The following PPFIA2 variants were observed in gnomAD, a reference collection of about 807,000 sequenced individuals.
PPFIA2 encodes the protein PPFI scaffold protein A2, also known as liprin-alpha-2.
A neutral mutation model predicts 175.5 loss-of-function variants in PPFIA2; 46 were observed. That is an observed-to-expected ratio of 0.26 (90% confidence interval 0.21 to 0.34). PPFIA2 has a LOEUF of 0.34. Among genes scored for constraint, PPFIA2 ranks in the 10% least tolerant of loss-of-function variants. The pLI is 1.00. For missense variants in PPFIA2, 1,179 were observed against 1,506.1 expected (o/e 0.78, Z 3.60); for synonymous variants, 568 against 511.4 (o/e 1.11, Z -1.49).
At chr12:81,664,424 A>C (rs555833561) in intron 4 of PPFIA2, among the ~76,000 whole-genome samples, 429 of 152,234 alleles carry the variant, frequency 2.8e-3, no homozygotes, top group Admixed American at 3.9e-3. Flanking sequence ...ATGCAGCCAA[A>C]AGACACATGA....
chr12:81,539,965 T>G (rs953112195), intron 4 of PPFIA2, among the ~76,000 whole-genome samples: 1 of 152,048 alleles, frequency 6.6e-6, no homozygotes, highest in African/African-American at 2.4e-5. Context: ...CAAATTTAAC[T>G]AAGGTTTTAA....
intron 15 of PPFIA2, among the ~76,000 whole-genome samples, chr12:81,361,369 G>A (rs754984212): frequency 1.2e-4 from 18 of 151,418 alleles, no homozygotes; most frequent in Non-Finnish European, 2.4e-4. Flanking sequence ...ATAACCATGT[G>A]AACACATAAC....
chr12:81,614,720 G>A (rs930730480), intron 4 of PPFIA2, among the ~76,000 whole-genome samples: 1 of 151,936 alleles, frequency 6.6e-6, no homozygotes, highest in Non-Finnish European at 1.5e-5. Flanking sequence ...TTTCTACTAA[G>A]AGCAATAACA....
chr12:81,576,748 C>G (rs188840845), intron 4 of PPFIA2, among the ~76,000 whole-genome samples: 1 of 151,834 alleles, frequency 6.6e-6, no homozygotes. Context: ...ATTTTGAAAA[C>G]TTTTAGATAA....
At chr12:81,724,450 G>C (rs1043707640) in intron 3 of PPFIA2, among the ~76,000 whole-genome samples, 4 of 150,678 alleles carry the variant, frequency 2.7e-5, no homozygotes, top group African/African-American at 7.3e-5. Flanking sequence ...GTACCCATTA[G>C]GTAACTTTTC....
chr12:81,602,496 T>G (rs1468807683), intron 4 of PPFIA2, among the ~76,000 whole-genome samples: 2 of 151,990 alleles, frequency 1.3e-5, no homozygotes, highest in African/African-American at 4.8e-5. Context: ...ATTTTCTGAT[T>G]TCTTCTGCAT....
At chr12:81,607,414 G>A (rs1400642360) in intron 4 of PPFIA2, among the ~76,000 whole-genome samples, 1 of 151,954 alleles carries the variant, frequency 6.6e-6, no homozygotes, top group African/African-American at 2.4e-5. Flanking sequence ...AATGATATTG[G>A]TCCTACAATC....
Position 81,294,791 on chromosome 12 carries a change from A to G in PPFIA2, c.2925+44T>C, listed in dbSNP as rs745675665. 18 of 1,580,792 alleles carry G rather than the reference A, an allele frequency of 1.1e-5. No homozygotes were observed. The East Asian group carries it at 4.1e-4, about 36-fold the overall frequency. On this transcript the variant is annotated intron_variant, in intron 24 of 32. Transcript: ENST00000549396. ...GCTCTGTAGACTTAGACACACGGCT[A>G]TTTGCCTAGCACTGAGGAAGGGGAG...
chr12:81,636,561 G>A (rs546905154), intron 4 of PPFIA2, among the ~76,000 whole-genome samples: 6 of 150,108 alleles, frequency 4.0e-5, no homozygotes, highest in African/African-American at 1.5e-4. Context: ...CACCGCGCCC[G>A]GCCAACTCTC....
rs561248655 is a variant in PPFIA2, at chr12:81,326,454, C to T, written c.2549-584G>A. On this transcript the variant is annotated intron_variant, in intron 21 of 32. Transcript: ENST00000549396. ...CACTATAAATCTTACTTCCAGAACT[C>T]GATGTGTTCTGGGCAGGTTCTTGTG... Among the ~76,000 whole-genome samples, 36 of 152,120 alleles carry T rather than the reference C, an allele frequency of 2.4e-4. No homozygotes were observed. The South Asian group carries it at 4.2e-3, about 18-fold the overall frequency.
At chr12:81,590,603 C>A (rs1362414484) in intron 4 of PPFIA2, among the ~76,000 whole-genome samples, 1 of 151,796 alleles carries the variant, frequency 6.6e-6, no homozygotes, top group Non-Finnish European at 1.5e-5. Flanking sequence ...TGGGAGGAAC[C>A]CGGTGGGAGG....
rs115080717 is a variant in PPFIA2, at chr12:81,374,354, T to C, written c.1266+280A>G. ...TTTTTGTTTATCTCCAGGATTATTA[T>C]ACAAATATTACCATGGAAAATTAAC... On this transcript the variant is annotated intron_variant, in intron 11 of 32. Coordinates refer to ENST00000549396, the MANE Select transcript of PPFIA2 (RefSeq NM_003625.5). Among the ~76,000 whole-genome samples the C allele has an allele frequency of 3.4e-3, 522 of 152,218 alleles. 2 individuals carry two copies. The highest frequency in any genetic ancestry group is 0.012 in the African/African-American group (507 of 41,552).
chr12:81,406,826 C>T (rs80191519), intron 7 of PPFIA2, among the ~76,000 whole-genome samples: 1 of 152,120 alleles, frequency 6.6e-6, no homozygotes, highest in East Asian at 1.9e-4. Context: ...ACAATAAGAT[C>T]TGAATAATAT....
intron 6 of PPFIA2, among the ~76,000 whole-genome samples, chr12:81,441,958 A>C (rs1383141131): frequency 1.3e-5 from 2 of 152,118 alleles, no homozygotes; most frequent in African/African-American, 4.8e-5. Context: ...TCTTTCTAAA[A>C]GTCATTCGCA....
chr12:81,268,028 C>T lies in PPFIA2; in HGVS notation c.3370G>A (p.Glu1124Lys). ...IRWIQAIGLR[E>K]YANNILESGV... ...CTCTCAAGTATATTATTTGCATATT[C>T]TCGAAGTCCAATTGCTTGTATCCAG... Residue 1124 changes from glutamate (E) to lysine (K), a missense_variant, in exon 29 of 33, where the codon GAA becomes AAA. Coordinates refer to ENST00000549396, the MANE Select transcript of PPFIA2 (RefSeq NM_003625.5). The T allele has an allele frequency of 5.0e-6, 8 of 1,596,088 alleles. No individual in the cohort carries two copies. The highest frequency in any genetic ancestry group is 6.8e-6 in the Non-Finnish European group (8 of 1,170,340).
intron 4 of PPFIA2, among the ~76,000 whole-genome samples, chr12:81,513,946 C>G (rs1280979199): frequency 6.6e-6 from 1 of 151,998 alleles, no homozygotes; most frequent in African/African-American, 2.4e-5. Context: ...AACTGCATTG[C>G]TCTACAAAAA....
At chr12:81,404,606 T>C (rs954855143) in intron 8 of PPFIA2, among the ~76,000 whole-genome samples, 19 of 152,330 alleles carry the variant, frequency 1.2e-4, no homozygotes, top group African/African-American at 4.1e-4. Flanking sequence ...TTATGTTTTA[T>C]ATTTAGCTTA....
At chr12:81,368,443 T>C (rs573123222) in intron 13 of PPFIA2, among the ~76,000 whole-genome samples, 1 of 151,828 alleles carries the variant, frequency 6.6e-6, no homozygotes, top group South Asian at 2.1e-4. Flanking sequence ...AAAGGATATA[T>C]AAAATATTTT....
intron 4 of PPFIA2, among the ~76,000 whole-genome samples, chr12:81,632,089 T>A (rs1347469558): frequency 6.6e-6 from 1 of 152,196 alleles, no homozygotes. Context: ...ATATACTTCT[T>A]ATCAAAATAC....
Sources: gnomAD v4.1 joint callset for allele counts (sites outside exome capture counted in the v4.1 genomes callset) on GRCh38, gnomAD v4.1.1 for gene constraint, MANE v1.5 for transcripts, NCBI Gene and HGNC (gene_info 2026-07-23, HGNC 2026-07-21) for gene names.